CDH12: variants seen among roughly 807,000 people sequenced by gnomAD.
CDH12 encodes the protein cadherin-12.
Under a neutral mutation model 74.1 loss-of-function variants are expected in CDH12, and 41 were observed. The ratio of observed to expected loss-of-function variants is 0.55; its 90% CI spans 0.43 to 0.72. The LOEUF (loss-of-function observed/expected upper bound fraction) is 0.72, where lower values mean the gene tolerates loss of function less well. Ranked by LOEUF, CDH12 falls within the 30% of genes least tolerant of loss-of-function variation. The pLI, the probability that CDH12 is intolerant of heterozygous loss-of-function variation, is 0.00. For synonymous variants in CDH12, 399 were observed against 355.0 expected (o/e 1.12, Z -1.39); for missense variants, 945 against 977.2 (o/e 0.97, Z 0.44).
intron 1 of CDH12, among the ~76,000 whole-genome samples, chr5:22,795,546 A>G (rs772848508): frequency 4.6e-5 from 7 of 151,588 alleles, no homozygotes; most frequent in Non-Finnish European, 8.8e-5. Context: ...TTATATACAT[A>G]CATATAATAT....
chr5:21,951,370 G>A (rs1214694507), intron 6 of CDH12, among the ~76,000 whole-genome samples: 1 of 151,992 alleles, frequency 6.6e-6, no homozygotes, highest in Non-Finnish European at 1.5e-5. Flanking sequence ...TTACAGGCAC[G>A]TGCCACCACA....
chr5:21,853,443 C>T (rs1199153236), intron 7 of CDH12, among the ~76,000 whole-genome samples: 1 of 151,478 alleles, frequency 6.6e-6, no homozygotes, highest in Admixed American at 6.6e-5. Flanking sequence ...CGGAGTGACT[C>T]CCTGTTTTAG....
chr5:22,577,176 A>T (rs1218576748), intron 1 of CDH12, among the ~76,000 whole-genome samples: 1 of 152,134 alleles, frequency 6.6e-6, no homozygotes. Context: ...GACCCATAAC[A>T]TTGTAAAAGC....
intron 11 of CDH12, among the ~76,000 whole-genome samples, chr5:21,783,012 C>G (rs1036270024): frequency 2.0e-5 from 3 of 151,890 alleles, no homozygotes; most frequent in Non-Finnish European, 4.4e-5. Context: ...TAATTATTTC[C>G]CCTCACCTGG....
chr5:22,510,189 G>T (rs1736543438), intron 1 of CDH12, among the ~76,000 whole-genome samples: 1 of 152,104 alleles, frequency 6.6e-6, no homozygotes, highest in South Asian at 2.1e-4. Flanking sequence ...AGAAGAGCAT[G>T]TCAAACACAT....
At chr5:22,851,759 A>C (rs566182625) in intron 1 of CDH12, among the ~76,000 whole-genome samples, 3 of 152,328 alleles carry the variant, frequency 2.0e-5, no homozygotes, top group African/African-American at 7.2e-5. Context: ...ACATTCTGCT[A>C]GAATCATGGA....
chr5:22,498,916 T>A (rs2126652363), intron 2 of CDH12, among the ~76,000 whole-genome samples: 1 of 142,982 alleles, frequency 7.0e-6, no homozygotes, highest in South Asian at 2.2e-4. Flanking sequence ...TTTTTTTTTT[T>A]TTTTTGTGAC....
At chr5:21,957,905 A>G (rs969474757) in intron 6 of CDH12, among the ~76,000 whole-genome samples, 12 of 152,108 alleles carry the variant, frequency 7.9e-5, no homozygotes, top group Non-Finnish European at 1.5e-4. Context: ...GCTATGCAGA[A>G]GCTCTTAATA....
At chr5:21,840,615 G>A (rs1034433546) in intron 8 of CDH12, among the ~76,000 whole-genome samples, 1 of 151,766 alleles carries the variant, frequency 6.6e-6, no homozygotes, top group African/African-American at 2.4e-5. Flanking sequence ...ATACTACAAG[G>A]CTACAGTAAC....
At chr5:22,147,729 T>C (rs1747296209) in intron 4 of CDH12, among the ~76,000 whole-genome samples, 1 of 152,086 alleles carries the variant, frequency 6.6e-6, no homozygotes, top group Non-Finnish European at 1.5e-5. Flanking sequence ...GGGAAATCTC[T>C]TATAAAATCA....
chr5:22,665,244 A>G (rs1740553138), intron 1 of CDH12, among the ~76,000 whole-genome samples: 1 of 152,202 alleles, frequency 6.6e-6, no homozygotes, highest in African/African-American at 2.4e-5. Flanking sequence ...GGCCTCACAA[A>G]GAGGATGCCT....
At chr5:22,659,495 A>C (rs1305987052) in intron 1 of CDH12, among the ~76,000 whole-genome samples, 1 of 152,124 alleles carries the variant, frequency 6.6e-6, no homozygotes. Context: ...TATATGAATC[A>C]CTCAGCTAGA....
At position 22,239,963 on chromosome 5, in the gene CDH12, G is replaced by A. The variant is rs185189823; in HGVS notation, c.-332-27320C>T. Among the ~76,000 whole-genome samples the A allele has an allele frequency of 2.0e-5, 3 of 152,092 alleles. No homozygotes were observed. In the East Asian group the frequency reaches 5.8e-4, roughly 29 times the overall value. ...GCAGCATATCAAAACATCTTTCCCGGTACTTCTTCTTATAATCACTATATT... is the reference window on the plus strand; with the variant it reads ...GCAGCATATCAAAACATCTTTCCCGATACTTCTTCTTATAATCACTATATT... On this transcript the variant is annotated intron_variant, in intron 3 of 14. Transcript: ENST00000382254.
intron 1 of CDH12, among the ~76,000 whole-genome samples, chr5:22,852,318 A>C (rs1005268280): frequency 6.6e-6 from 1 of 152,248 alleles, no homozygotes; most frequent in Admixed American, 6.5e-5. Flanking sequence ...TAAAAACATA[A>C]GAAAATACTT....
intron 1 of CDH12, among the ~76,000 whole-genome samples, chr5:22,510,567 T>TC (rs1736559971): frequency 6.6e-6 from 1 of 152,116 alleles, no homozygotes; most frequent in Non-Finnish European, 1.5e-5. Context: ...TCCAGGACCC[T>TC]CCTAGGTATC....
chr5:22,363,590 T>C (rs1277523747), intron 3 of CDH12, among the ~76,000 whole-genome samples: 1 of 152,218 alleles, frequency 6.6e-6, no homozygotes, highest in Non-Finnish European at 1.5e-5. Flanking sequence ...AATAAGTTTT[T>C]CTTTCTTTTC....
chr5:21,786,665 A>C (rs1388470495), intron 10 of CDH12, among the ~76,000 whole-genome samples: 1 of 152,220 alleles, frequency 6.6e-6, no homozygotes, highest in Non-Finnish European at 1.5e-5. Context: ...TTCAAGTCTT[A>C]TTATTTAAGA....
intron 3 of CDH12, among the ~76,000 whole-genome samples, chr5:22,270,627 A>G (rs1736355580): frequency 6.7e-6 from 1 of 149,368 alleles, no homozygotes; most frequent in Admixed American, 6.6e-5. Context: ...ATATGTATAC[A>G]CACACACACA....
intron 6 of CDH12, among the ~76,000 whole-genome samples, chr5:21,875,907 T>TTG (rs1237585596): frequency 6.6e-6 from 1 of 151,320 alleles, no homozygotes; most frequent in Non-Finnish European, 1.5e-5. Context: ...TTTTTTTTTT[T>TTG]TTTTTCTGAA....
Sources: gnomAD v4.1 joint callset for allele counts (sites outside exome capture counted in the v4.1 genomes callset) on GRCh38, gnomAD v4.1.1 for gene constraint, MANE v1.5 for transcripts, NCBI Gene and HGNC (gene_info 2026-07-23, HGNC 2026-07-21) for gene names.